The following DLGAP2 variants were observed in gnomAD, a reference collection of about 807,000 sequenced individuals.
The protein encoded by DLGAP2 is DLG associated protein 2.
Under a neutral mutation model 100.3 loss-of-function variants are expected in DLGAP2, and 26 were observed. The ratio of observed to expected loss-of-function variants is 0.26; its 90% CI spans 0.19 to 0.36. The LOEUF (loss-of-function observed/expected upper bound fraction) is 0.36, where lower values mean the gene tolerates loss of function less well. Ranked by LOEUF, DLGAP2 falls within the 10% of genes least tolerant of loss-of-function variation. The pLI is 1.00. For missense variants in DLGAP2, 1,858 were observed against 1,453.2 expected (o/e 1.28, Z -4.53); for synonymous variants, 886 against 630.1 (o/e 1.41, Z -6.08).
chr8:1,426,782 C>T (rs1180684972), intron 3 of DLGAP2, among the ~76,000 whole-genome samples: 2 of 152,078 alleles, frequency 1.3e-5, no homozygotes, highest in African/African-American at 2.4e-5. Flanking sequence ...AAATAAAATT[C>T]CCACCTAAAA....
intron 4 of DLGAP2, among the ~76,000 whole-genome samples, chr8:1,514,800 A>G (rs1181094671): frequency 1.3e-5 from 2 of 152,302 alleles, no homozygotes; most frequent in Admixed American, 6.5e-5. Context: ...CAGGACAGGA[A>G]AGGAAGGCCG....
intron 1 of DLGAP2, among the ~76,000 whole-genome samples, chr8:885,746 T>C (rs967954558): frequency 1.3e-5 from 2 of 152,204 alleles, no homozygotes; most frequent in African/African-American, 4.8e-5. Context: ...CAATATGATA[T>C]TGGCTGTGGG....
intron 2 of DLGAP2, among the ~76,000 whole-genome samples, chr8:1,217,350 G>A (rs1246306298): frequency 3.3e-5 from 5 of 152,064 alleles, no homozygotes; most frequent in Admixed American, 6.6e-5. Context: ...TCTGTACCTA[G>A]TTCATCATTG....
At chr8:1,066,993 C>G (rs1354491056) in intron 2 of DLGAP2, among the ~76,000 whole-genome samples, 2 of 151,940 alleles carry the variant, frequency 1.3e-5, no homozygotes, top group East Asian at 3.9e-4. Flanking sequence ...GCTGCCTGGG[C>G]CCCCCTGATG....
chr8:1,333,670 G>A (rs754658617), intron 3 of DLGAP2, among the ~76,000 whole-genome samples: 5 of 152,188 alleles, frequency 3.3e-5, no homozygotes, highest in Admixed American at 2.0e-4. Context: ...CGATGTAACC[G>A]CGGGCTCTCC....
chr8:1,660,569 G>T (rs1384105200), intron 8 of DLGAP2, among the ~76,000 whole-genome samples: 1 of 152,168 alleles, frequency 6.6e-6, no homozygotes, highest in Admixed American at 6.5e-5. Context: ...AAGTTTTTAT[G>T]TGTATTGCTA....
intron 3 of DLGAP2, among the ~76,000 whole-genome samples, chr8:1,260,577 G>A (rs1056015499): frequency 3.3e-5 from 5 of 151,852 alleles, no homozygotes; most frequent in South Asian, 4.2e-4. Context: ...AAATCACCCC[G>A]GAGTCCTGGC....
rs146682053 is a variant in DLGAP2 at position 1,307,641 on chromosome 8, A to G, written c.106+48758A>G. 3.0e-3 allele frequency among the ~76,000 whole-genome samples: 456 copies of G among 152,326 alleles called. 2 individuals carry two copies. The highest frequency in any genetic ancestry group is 4.8e-3 in the Non-Finnish European group (329 of 68,026). ...GTGCAATAGACACGTAAATGGATGT[A>G]TAAGCAAAATGGGGCCTAGACGGGT... On this transcript the variant is annotated intron_variant, in intron 3 of 14. Coordinates refer to ENST00000637795, the MANE Select transcript of DLGAP2 (RefSeq NM_001346810.2).
chr8:1,007,463 A>G (rs977228234), intron 2 of DLGAP2, among the ~76,000 whole-genome samples: 1 of 152,248 alleles, frequency 6.6e-6, no homozygotes, highest in East Asian at 1.9e-4. Flanking sequence ...AGGCAAGAGC[A>G]AGTCAGCTGA....
intron 3 of DLGAP2, among the ~76,000 whole-genome samples, chr8:1,467,887 G>A (rs36033551): frequency 0.099 from 15,122 of 152,216 alleles, 1,077 homozygotes; most frequent in Non-Finnish European, 0.15. Context: ...CTGGTCAGGA[G>A]GCCACCACAT....
chr8:1,544,653 A>T (rs779668222), intron 4 of DLGAP2, among the ~76,000 whole-genome samples: 4 of 151,788 alleles, frequency 2.6e-5, no homozygotes, highest in Non-Finnish European at 5.9e-5. Context: ...CCACCCTTGC[A>T]TTGCTAGGAT....
chr8:1,215,470 G>A (rs377748852), intron 2 of DLGAP2, among the ~76,000 whole-genome samples: 1,721 of 125,354 alleles, frequency 0.014, 54 homozygotes, highest in African/African-American at 0.046. Context: ...ACCTGGAGAC[G>A]TCCAGGTACC....
chr8:1,126,689 G>C (rs1295588086), intron 2 of DLGAP2, among the ~76,000 whole-genome samples: 1 of 152,190 alleles, frequency 6.6e-6, no homozygotes, highest in African/African-American at 2.4e-5. Context: ...CTTTGATTAA[G>C]AGTCTCAGGG....
chr8:1,596,323 C>A (rs1796458591), intron 6 of DLGAP2, among the ~76,000 whole-genome samples: 1 of 152,142 alleles, frequency 6.6e-6, no homozygotes, highest in South Asian at 2.1e-4. Flanking sequence ...AATAGTGCTG[C>A]AATAAACATA....
intron 2 of DLGAP2, among the ~76,000 whole-genome samples, chr8:988,320 A>G (rs1413218025): frequency 2.0e-5 from 3 of 152,238 alleles, no homozygotes; most frequent in Admixed American, 6.5e-5. Flanking sequence ...TGTGGAATCT[A>G]GAAGTGAAAC....
chr8:1,200,943 G>C (rs1797858490), intron 2 of DLGAP2, among the ~76,000 whole-genome samples: 1 of 152,234 alleles, frequency 6.6e-6, no homozygotes, highest in Non-Finnish European at 1.5e-5. Context: ...CTCCAGGAGC[G>C]TGTTGTGCAC....
chr8:804,668 A>G (rs1443462875), intron 1 of DLGAP2, among the ~76,000 whole-genome samples: 2 of 152,236 alleles, frequency 1.3e-5, no homozygotes, highest in Non-Finnish European at 2.9e-5. Flanking sequence ...TTCCCCCAAG[A>G]TATTTGAAAC....
At chr8:806,353 C>G (rs746238404) in intron 1 of DLGAP2, among the ~76,000 whole-genome samples, 6 of 152,206 alleles carry the variant, frequency 3.9e-5, no homozygotes, top group Non-Finnish European at 7.3e-5. Flanking sequence ...CACTGCCCGT[C>G]ACTCTGCAGC....
chr8:863,467 T>G (rs1000077033), intron 1 of DLGAP2, among the ~76,000 whole-genome samples: 1 of 152,216 alleles, frequency 6.6e-6, no homozygotes, highest in Admixed American at 6.5e-5. Flanking sequence ...GTTTCGGCAT[T>G]CCACTGGTGC....
Sources: gnomAD v4.1 joint callset for allele counts (sites outside exome capture counted in the v4.1 genomes callset) on GRCh38, gnomAD v4.1.1 for gene constraint, MANE v1.5 for transcripts, NCBI Gene and HGNC (gene_info 2026-07-23, HGNC 2026-07-21) for gene names.